The following ATG7 variants were observed in gnomAD, a reference collection of about 807,000 sequenced individuals.
ATG7 encodes autophagy related 7, also known as ubiquitin-like modifier-activating enzyme ATG7.
In ATG7, 70 loss-of-function variants were observed where a neutral mutation model predicts 82.4. The ratio of observed to expected loss-of-function variants is 0.85; its 90% CI spans 0.70 to 1.04. ATG7 has a LOEUF of 1.04. Among genes scored for constraint, ATG7 ranks in the 50% least tolerant of loss-of-function variants. The pLI is 0.00. For missense variants in ATG7, 792 were observed against 864.3 expected, an observed-to-expected ratio of 0.92 and a Z score of 1.05; for synonymous variants, 287 against 313.0, an observed-to-expected ratio of 0.92 and a Z score of 0.88.
intron 9 of ATG7, among the ~76,000 whole-genome samples, chr3:11,322,116 T>C (rs1042601853): frequency 3.9e-5 from 6 of 152,244 alleles, no homozygotes; most frequent in Non-Finnish European, 5.9e-5. Flanking sequence ...TTGGGTGATG[T>C]ATGGTTGTTA....
intron 20 of ATG7, chr3:11,510,398 T>C (rs1361280927): frequency 2.5e-6 from 1 of 396,512 alleles, no homozygotes; most frequent in African/African-American, 2.2e-5. Flanking sequence ...AAAAAAAAAA[T>C]CTGAGTTACT....
chr3:11,375,268 G>A (rs1471686845), intron 18 of ATG7, among the ~76,000 whole-genome samples: 1 of 152,134 alleles, frequency 6.6e-6, no homozygotes, highest in African/African-American at 2.4e-5. Context: ...TGATATATTT[G>A]ATAAGAAACC....
intron 18 of ATG7, 144 bp downstream of exon 18, chr3:11,364,878 C>A: frequency 1.3e-6 from 1 of 793,902 alleles, no homozygotes; most frequent in Non-Finnish European, 2.0e-6. Context: ...AGCTTTCTGA[C>A]CACCTGGAAG....
chr3:11,560,287 C>G (rs1167902462), downstream of ATG7, among the ~76,000 whole-genome samples: 1 of 152,184 alleles, frequency 6.6e-6, no homozygotes, highest in African/African-American at 2.4e-5. Flanking sequence ...GAACCTGGGA[C>G]AGAAAATATT....
chr3:11,511,525 C>A (rs2092055712), intron 20 of ATG7, among the ~76,000 whole-genome samples: 1 of 152,238 alleles, frequency 6.6e-6, no homozygotes, highest in Non-Finnish European at 1.5e-5. Flanking sequence ...AGGAGCCCAG[C>A]TGGCTTCACC....
At chr3:11,314,687 CACTTTGGA>C (rs1183283495) in intron 8 of ATG7, among the ~76,000 whole-genome samples, 1 of 152,134 alleles carries the variant, frequency 6.6e-6, no homozygotes, top group Non-Finnish European at 1.5e-5. Flanking sequence ...GTAATTCCAG[CACTTTGGA>C]ACGCAGAGGT....
intron 20 of ATG7, among the ~76,000 whole-genome samples, chr3:11,435,355 ACT>A (rs1576393599): frequency 6.6e-6 from 1 of 152,148 alleles, no homozygotes; most frequent in East Asian, 1.9e-4. Context: ...ACTCGGTGCC[ACT>A]TTTGACTTCT....
chr3:11,274,445 A>G (rs1203663548), intron 1 of ATG7, among the ~76,000 whole-genome samples: 1 of 152,094 alleles, frequency 6.6e-6, no homozygotes, highest in East Asian at 1.9e-4. Flanking sequence ...GCTTTAGCCA[A>G]GACCTGAAGG....
At chr3:11,358,316 T>C (rs750226104) in intron 14 of ATG7, 102 bp from the exon 15 acceptor site, 2 of 1,167,944 alleles carry the variant, frequency 1.7e-6, no homozygotes, top group Non-Finnish European at 2.5e-6. Flanking sequence ...AGCTCTCATG[T>C]ATGTGAACAC....
At chr3:11,397,430 TA>T (rs2079403065) in intron 19 of ATG7, among the ~76,000 whole-genome samples, 1 of 96 alleles carries the variant, frequency 0.01, no homozygotes, top group Admixed American at 0.12. Context: ...ATAAAATATA[TA>T]AAAAATTTAC....
At chr3:11,558,765 T>C (rs2072673619), downstream of ATG7, 1 of 1,614,098 alleles carries the variant, frequency 6.2e-7, no homozygotes, top group South Asian at 1.1e-5. Flanking sequence ...TCGGGCTCCT[T>C]GTAATTCTTG....
intron 17 of ATG7, among the ~76,000 whole-genome samples, chr3:11,363,343 A>C: frequency 6.6e-6 from 1 of 151,938 alleles, no homozygotes; most frequent in East Asian, 1.9e-4. Context: ...TCTAGGTTCA[A>C]GTGATTCTCC....
intron 20 of ATG7, among the ~76,000 whole-genome samples, chr3:11,505,232 G>A (rs1311319467): frequency 6.6e-6 from 1 of 152,184 alleles, no homozygotes; most frequent in Non-Finnish European, 1.5e-5. Context: ...GGCAGACTGG[G>A]TTTTTAAAGG....
chr3:11,293,951 G>A (rs1945409145), intron 3 of ATG7, among the ~76,000 whole-genome samples: 1 of 150,522 alleles, frequency 6.6e-6, no homozygotes, highest in South Asian at 2.1e-4. Context: ...CTGGGAGGCC[G>A]AGGTTGCTGT....
intron 19 of ATG7, among the ~76,000 whole-genome samples, chr3:11,383,691 G>A (rs1178118684): frequency 2.6e-5 from 4 of 152,086 alleles, no homozygotes; most frequent in African/African-American, 4.8e-5. Flanking sequence ...CTCGTGATCC[G>A]CCCGCCTCAG....
intron 20 of ATG7, among the ~76,000 whole-genome samples, chr3:11,537,938 C>T (rs568117726): frequency 1.4e-5 from 2 of 147,752 alleles, no homozygotes; most frequent in African/African-American, 2.4e-5. Flanking sequence ...TTCCTTTATA[C>T]CCAATGCCAC....
At chr3:11,439,046 TTTTC>T (rs1330093827) in intron 20 of ATG7, among the ~76,000 whole-genome samples, 1 of 148,778 alleles carries the variant, frequency 6.7e-6, no homozygotes, top group Non-Finnish European at 1.5e-5. Flanking sequence ...CTTAGTCTTA[TTTTC>T]TTTTTCTTTT....
At chr3:11,571,362 C>T in the ATG7 span, among the ~76,000 whole-genome samples, 1 of 152,226 alleles carries the variant, frequency 6.6e-6, no homozygotes, top group Non-Finnish European at 1.5e-5. Context: ...CCACAACCAT[C>T]CACCCACGTA....
At chr3:11,572,231 C>T in the ATG7 span, among the ~76,000 whole-genome samples, 1 of 152,160 alleles carries the variant, frequency 6.6e-6, no homozygotes, top group African/African-American at 2.4e-5. Flanking sequence ...AAATTCACTG[C>T]CCCACTGCAA....
Sources: allele counts gnomAD v4.1 joint callset (sites outside exome capture counted in the v4.1 genomes callset), GRCh38; gene constraint gnomAD v4.1.1; transcripts MANE v1.5; gene names NCBI Gene and HGNC (gene_info 2026-07-23, HGNC 2026-07-21).